Variants in SZT2 observed in about 807,000 individuals in gnomAD.
SZT2 encodes KICSTOR complex protein SZT2.
SZT2 carries 216 observed loss-of-function variants against 404.2 expected under a neutral mutation model. The observed-to-expected ratio is 0.53, with a 90% CI of 0.48 to 0.60. The LOEUF (loss-of-function observed/expected upper bound fraction) is 0.60. SZT2 is among the 20% of genes least tolerant of loss of function. The pLI is 0.00. For synonymous variants in SZT2, 1,693 were observed against 1,749.9 expected, an observed-to-expected ratio of 0.97 and a Z score of 0.81; for missense variants, 3,857 against 4,459.2, an observed-to-expected ratio of 0.86 and a Z score of 3.85.
intron 42 of SZT2, 51 bp downstream of exon 42, chr1:43,435,380 C>G: frequency 6.2e-7 from 1 of 1,603,788 alleles, no homozygotes; most frequent in East Asian, 2.2e-5. Flanking sequence ...GCCGCCCTTT[C>G]TTTTACCGAA....
In SZT2 at chr1:43,432,619, G is replaced by A; in HGVS notation, c.5530+15G>A. On this transcript the variant is annotated intron_variant, in intron 38 of 71. Coordinates refer to ENST00000634258, the MANE Select transcript of SZT2 (RefSeq NM_001365999.1). ...GCCACAGGGAGGTAAGAGAGGACTT[G>A]GGCAGCAGTCTGGAGGCCAGGACCA... 1 of 1,613,762 alleles carries A rather than the reference G, an allele frequency of 6.2e-7. No individual in the cohort carries two copies. The highest frequency in any genetic ancestry group is 8.5e-7 in the Non-Finnish European group (1 of 1,179,790).
In SZT2 at chr1:43,430,349, T is replaced by C; in HGVS notation, c.4440T>C (p.Ser1480=). The change falls in exon 31 of 72, where the codon AGT becomes AGC. Residue 1480 remains serine (S), a synonymous_variant. Transcript: ENST00000634258. ...GPRDTVDRKI[S]DLEFSEAELM... Reference sequence around the variant, plus strand: ...GGGACACAGTAGACAGAAAAATCAGTGACCTGGAGTTTTCAGAGGCTGAGC... The same window carrying C: ...GGGACACAGTAGACAGAAAAATCAGCGACCTGGAGTTTTCAGAGGCTGAGC... The C allele has an allele frequency of 1.2e-6, 2 of 1,610,244 alleles. No homozygotes were observed. Among genetic ancestry groups the C allele is most frequent in the African/African-American group, 1.3e-5 (1 of 74,568 alleles).
intron 1 of SZT2, among the ~76,000 whole-genome samples, chr1:43,391,741 A>G (rs1648349035): frequency 6.6e-6 from 1 of 152,260 alleles, no homozygotes; most frequent in Admixed American, 6.5e-5. Context: ...GTAGAAATCT[A>G]AAGCAAGCCA....
In SZT2 at chr1:43,451,220, TG is replaced by T; in HGVS notation, c.*743del. On this transcript the variant is annotated 3_prime_UTR_variant, in exon 72 of 72. Coordinates refer to ENST00000634258, the MANE Select transcript of SZT2 (RefSeq NM_001365999.1). ...ATGTCACTCGCTGTCTGGAGGCACGTGGGTGGTGTGCGGGCCCTCACTGGCC... is the reference window on the plus strand; with the variant it reads ...ATGTCACTCGCTGTCTGGAGGCACGTGGTGGTGTGCGGGCCCTCACTGGCC... The T allele has an allele frequency of 6.2e-7, 1 of 1,612,954 alleles. No individual in the cohort carries two copies. The highest frequency in any genetic ancestry group is 8.5e-7 in the Non-Finnish European group (1 of 1,179,056).
Position 43,451,030 on chromosome 1 carries a change from G to C in SZT2, c.*550G>C. 1 of 772,772 alleles carries C rather than the reference G, an allele frequency of 1.3e-6. No homozygotes were observed. Among genetic ancestry groups the C allele is most frequent in the Non-Finnish European group, 2.3e-6 (1 of 425,664 alleles). The allele number at this position is 772,772 out of a possible 1,614,324, so 47.9% of individuals were successfully genotyped here. On this transcript the variant is annotated 3_prime_UTR_variant, in exon 72 of 72. Coordinates refer to ENST00000634258, the MANE Select transcript of SZT2 (RefSeq NM_001365999.1). ...GGGTTTCTCATCCTTTAATGAGGTGGGTTCAGAAGCTCTCCCATCTTCACA... is the reference window on the plus strand; with the variant it reads ...GGGTTTCTCATCCTTTAATGAGGTGCGTTCAGAAGCTCTCCCATCTTCACA...
Position 43,453,417 on chromosome 1 carries a change from C to T in SZT2, c.*2937C>T, listed in dbSNP as rs770465127. 1.3e-6 allele frequency: 2 copies of T among 1,558,838 alleles called. No homozygotes were observed. The highest frequency in any genetic ancestry group is 1.2e-5 in the South Asian group (1 of 84,688). On this transcript the variant is annotated 3_prime_UTR_variant, in exon 72 of 72. Coordinates refer to ENST00000634258, the MANE Select transcript of SZT2 (RefSeq NM_001365999.1). The stretch of plus-strand genomic sequence containing the variant: ...CAGCCCAGGGCTTTGGCATACCGCA[C>T]GGCCTGCTCCAGTCCCTCTCGGAAG...
chr1:43,397,871 A>C (rs1570544421), intron 1 of SZT2, among the ~76,000 whole-genome samples: 1 of 152,162 alleles, frequency 6.6e-6, no homozygotes, highest in Non-Finnish European at 1.5e-5. Context: ...TGTCATGAAG[A>C]AAAAATACAG....
At chr1:43,438,290 G>A (rs958095382) in intron 46 of SZT2, 7 of 342,456 alleles carry the variant, frequency 2.0e-5, no homozygotes, top group South Asian at 1.6e-4. Context: ...GACTGGGTTC[G>A]GGGTGAAGAG....
At chr1:43,446,642 G>T in intron 65 of SZT2, 1 of 641,198 alleles carries the variant, frequency 1.6e-6, no homozygotes, top group South Asian at 1.9e-5. Context: ...CTGTAGCCCT[G>T]AGGCAGCACA....
In SZT2 at chr1:43,454,196, A is replaced by C. The variant is rs2153939272; in HGVS notation, c.*3716A>C. 1 of 252,516 alleles carries C rather than the reference A, an allele frequency of 4.0e-6. No individual in the cohort carries two copies. Among genetic ancestry groups the C allele is most frequent in the East Asian group, 1.6e-4 (1 of 6,166 alleles). The allele number at this position is 252,516 out of a possible 1,614,324, so 15.6% of individuals were successfully genotyped here. A position where few individuals can be genotyped will look rare whatever the true frequency, so the allele number is the denominator to read the frequency against. ...TTATAAAAATGCTATCTGTTCGTTA[A>C]GCAACATTTGAAAGCTGTATGACCA... On this transcript the variant is annotated 3_prime_UTR_variant, in exon 72 of 72. Transcript: ENST00000634258.
At position 43,448,963 on chromosome 1, in the gene SZT2, C is replaced by G. The variant is rs570230014; in HGVS notation, c.10086+235C>G. The G allele has an allele frequency of 7.7e-6, 4 of 521,422 alleles. No homozygotes were observed. The highest frequency in any genetic ancestry group is 1.4e-5 in the Non-Finnish European group (4 of 291,722). The allele number at this position is 521,422 out of a possible 1,614,324, so 32.3% of individuals were successfully genotyped here. A position where few individuals can be genotyped will look rare whatever the true frequency, so the allele number is the denominator to read the frequency against. On this transcript the variant is annotated intron_variant, in intron 70 of 71. Transcript: ENST00000634258. This position sits in a 1 kb window ranked among gnomAD's most constrained non-coding sequence, Gnocchi z 4.2. ...AAGAATACAAGCCTTGGCTTGAGAT[C>G]CTGAGGGCCAGGCTCTGGAACTGAC...
In SZT2 at chr1:43,420,416, C is replaced by T. The variant is rs1397244130; in HGVS notation, c.1261+93C>T. On this transcript the variant is annotated intron_variant, in intron 9 of 71. Transcript: ENST00000634258. The surrounding 1 kb of genome is among the most constrained non-coding windows in gnomAD (Gnocchi z 5.1). ...ATGTATCACACATGAAAGAGTGTCACATTGAAGTCCTTATCACTTGAGACA... is the reference window on the plus strand; with the variant it reads ...ATGTATCACACATGAAAGAGTGTCATATTGAAGTCCTTATCACTTGAGACA... The T allele has an allele frequency of 5.7e-6, 8 of 1,396,756 alleles. No individual in the cohort carries two copies. Among genetic ancestry groups the T allele is most frequent in the Non-Finnish European group, 7.6e-6 (8 of 1,055,548 alleles). The allele number at this position is 1,396,756 out of a possible 1,614,324, so 86.5% of individuals were successfully genotyped here.
chr1:43,408,057 C>A (rs1650549102), intron 4 of SZT2, among the ~76,000 whole-genome samples: 1 of 152,096 alleles, frequency 6.6e-6, no homozygotes, highest in Admixed American at 6.5e-5. Context: ...TGGTCTTGAT[C>A]TCCTGACCTT....
At chr1:43,393,448 C>T (rs1287603673) in intron 1 of SZT2, among the ~76,000 whole-genome samples, 2 of 152,174 alleles carry the variant, frequency 1.3e-5, no homozygotes, top group African/African-American at 4.8e-5. Context: ...ATCAGCAGAG[C>T]AAGCATTTGA....
In SZT2 at chr1:43,439,541, G is replaced by T. The variant is rs1654836961; in HGVS notation, c.6878-64G>T. The T allele has an allele frequency of 6.2e-7, 1 of 1,606,812 alleles. No individual in the cohort carries two copies. Among genetic ancestry groups the T allele is most frequent in the African/African-American group, 1.3e-5 (1 of 74,786 alleles). The stretch of plus-strand genomic sequence containing the variant: ...CATTTCCCAGGCTTGCAGCTGAGTG[G>T]AGGGTCGTGGGAGGGGTGGTCTGCA... On this transcript the variant is annotated intron_variant, in intron 49 of 71. Transcript: ENST00000634258. The surrounding 1 kb of genome is among the most constrained non-coding windows in gnomAD (Gnocchi z 4.2).
In SZT2 at chr1:43,442,056, C is replaced by A. The variant is rs543595207; in HGVS notation, c.7799C>A (p.Pro2600His). 1.2e-5 allele frequency: 19 copies of A among 1,614,146 alleles called. No individual in the cohort carries two copies. The Middle Eastern group carries it at 4.9e-4, about 42-fold the overall frequency. ...TCCCCTGGGCAACTGGGCCCCTCTC[C>A]CCGCCCTGCAGCTGAGCGGCATCTG... ...PCSPGQLGPS[P>H]RPAAERHLLL... The change falls in exon 56 of 72, where the codon CCC (proline) becomes CAC (histidine). Residue 2600 changes from proline (P) to histidine (H), a missense_variant. This residue lies in a region of SZT2 where 573 missense variants were observed against 592.4 expected (regional missense o/e 0.97). Transcript: ENST00000634258. The surrounding 1 kb of genome is among the most constrained non-coding windows in gnomAD (Gnocchi z 4.5).
At chr1:43,431,584 G>A in intron 35 of SZT2, 61 bp downstream of exon 35, 1 of 1,608,896 alleles carries the variant, frequency 6.2e-7, no homozygotes, top group Admixed American at 1.7e-5. Context: ...GTGAGATAAG[G>A]TACCCCCTTT....
chr1:43,427,124 A>G lies in SZT2; in HGVS notation c.3378A>G (p.Ala1126=). Residue 1126 remains alanine, a synonymous_variant, in exon 24 of 72, where the codon GCA becomes GCG. Transcript: ENST00000634258. ...SAQPPQWRCY[A]RLVNPQHVFL... is the part of the protein sequence containing the mutation. ...AGCCCCCTCAGTGGCGCTGCTATGCAAGGCTTGTGAACCCCCAGCATGTGT... is the reference window on the plus strand; with the variant it reads ...AGCCCCCTCAGTGGCGCTGCTATGCGAGGCTTGTGAACCCCCAGCATGTGT... The G allele has an allele frequency of 6.2e-7, 1 of 1,614,126 alleles. No homozygotes were observed. Among genetic ancestry groups the G allele is most frequent in the Non-Finnish European group, 8.5e-7 (1 of 1,180,012 alleles).
At position 43,399,016 on chromosome 1, in the gene SZT2, G is replaced by C. The variant is rs543595929; in HGVS notation, c.28-4161G>C. On this transcript the variant is annotated intron_variant, in intron 1 of 71. Coordinates refer to ENST00000634258, the MANE Select transcript of SZT2 (RefSeq NM_001365999.1). The stretch of plus-strand genomic sequence containing the variant: ...AATCGCTTGAACTGAGAAGGCGGAA[G>C]TTGCAGTGAGCCGAGATTGCGCCAC... 3.3e-3 allele frequency among the ~76,000 whole-genome samples: 505 copies of C among 152,028 alleles called. 3 individuals are homozygous for C. The highest frequency in any genetic ancestry group is 0.011 in the African/African-American group (464 of 41,462).
Sources: allele counts gnomAD v4.1 joint callset (sites outside exome capture counted in the v4.1 genomes callset), GRCh38; gene constraint gnomAD v4.1.1; regional missense constraint gnomAD v4.1.1; non-coding constraint Gnocchi (gnomAD v3.1); transcripts MANE v1.5; gene names NCBI Gene and HGNC (gene_info 2026-07-23, HGNC 2026-07-21).